VPS13D: variants seen among roughly 807,000 people sequenced by gnomAD.
The protein encoded by VPS13D is intermembrane lipid transfer protein VPS13D.
In VPS13D, 187 loss-of-function variants were observed where a neutral mutation model predicts 461.9. That is an observed-to-expected ratio of 0.40 (90% confidence interval 0.36 to 0.46). VPS13D has a LOEUF of 0.46. Among genes scored for constraint, VPS13D ranks in the 20% least tolerant of loss-of-function variants. The pLI is 0.60. For missense variants in VPS13D, 4,711 were observed against 5,364.9 expected, an observed-to-expected ratio of 0.88 and a Z score of 3.81; for synonymous variants, 1,951 against 1,986.3, an observed-to-expected ratio of 0.98 and a Z score of 0.47.
At chr1:12,438,375 C>T (rs1002384913) in intron 65 of VPS13D, among the ~76,000 whole-genome samples, 2 of 152,162 alleles carry the variant, frequency 1.3e-5, no homozygotes, top group African/African-American at 4.8e-5. Flanking sequence ...TTGAATCAGA[C>T]ACCGAATCTG....
At position 12,293,529 on chromosome 1, in the gene VPS13D, G is replaced by A; in HGVS notation, c.5858G>A (p.Gly1953Glu). 6.3e-7 allele frequency: 1 copy of A among 1,599,618 alleles called. No homozygotes were observed. The highest frequency in any genetic ancestry group is 8.5e-7 in the Non-Finnish European group (1 of 1,171,960). Reference sequence around the variant, plus strand: ...ACTTTTATCCTAATTTTTAGATACGGACGGCCTGACCCTCTGCTCCGGAGA... The same window carrying A: ...ACTTTTATCCTAATTTTTAGATACGAACGGCCTGACCCTCTGCTCCGGAGA... ...EALIFQTFKY[G>E]RPDPLLRREH... The change falls in exon 24 of 70, where the codon GGA becomes GAA. Residue 1953 changes from glycine to glutamate, a missense_variant. Transcript: ENST00000620676.
chr1:12,262,109 A>T, intron 13 of VPS13D, 29 bp downstream of exon 13: 1 of 1,586,308 alleles, frequency 6.3e-7, no homozygotes, highest in Non-Finnish European at 8.6e-7. Context: ...ACTACCTGCC[A>T]CTGTTGTCTC....
chr1:12,373,526 A>G (rs1362045987), intron 54 of VPS13D, among the ~76,000 whole-genome samples: 1 of 152,114 alleles, frequency 6.6e-6, no homozygotes, highest in Admixed American at 6.5e-5. Context: ...GAAAAATGTC[A>G]GAGTATGTCT....
chr1:12,438,302 C>T (rs149786941), intron 65 of VPS13D, among the ~76,000 whole-genome samples: 5 of 152,172 alleles, frequency 3.3e-5, no homozygotes, highest in African/African-American at 1.2e-4. Context: ...GCTAGCCCAC[C>T]CTTCTACCGT....
intron 67 of VPS13D, among the ~76,000 whole-genome samples, chr1:12,467,266 G>A (rs1027577565): frequency 6.6e-6 from 1 of 152,180 alleles, no homozygotes; most frequent in Non-Finnish European, 1.5e-5. Context: ...CCACCTCCCG[G>A]GTTCAAGCAG....
chr1:12,384,782 C>T (rs769910483), intron 58 of VPS13D, among the ~76,000 whole-genome samples: 3 of 152,116 alleles, frequency 2.0e-5, no homozygotes, highest in Non-Finnish European at 2.9e-5. Context: ...CCATGCTTAG[C>T]TAATTACTTT....
rs1644581890 is a variant in VPS13D, at chr1:12,401,600, A to ATC, written c.11785-4_11785-3dup. ...TCACACTTTAAATCAGAATTTCTTTATCTCTAGCATCTGATGATCACAGCT... is the reference window on the plus strand; with the variant it reads ...TCACACTTTAAATCAGAATTTCTTTATCTCTCTAGCATCTGATGATCACAGCT... On this transcript the variant is annotated splice_polypyrimidine_tract_variant and splice_region_variant and intron_variant, in intron 61 of 69. Transcript: ENST00000620676. 1 of 1,602,778 alleles carries ATC rather than the reference A, an allele frequency of 6.2e-7. No homozygotes were observed.
rs1282616985 is a variant in VPS13D at position 12,293,681 on chromosome 1, C to T, written c.6010C>T (p.Arg2004Ter). The T allele has an allele frequency of 1.2e-6, 2 of 1,613,712 alleles. No homozygotes were observed. The highest frequency in any genetic ancestry group is 3.3e-5 in the Admixed American group (2 of 59,978). ...GCTGCAGGATGTCTTAGGGCGCCAG[C>T]GAGCTGCTATTGAGGGGCAGACGGT... ...TQLQDVLGRQ[R>*]AAIEGQTVRD... Residue 2004 changes from arginine to a stop codon, truncating the protein, a stop_gained, in exon 24 of 70, where the codon CGA becomes TGA. Coordinates refer to ENST00000620676, the MANE Select transcript of VPS13D (RefSeq NM_015378.4). LOFTEE classifies it high-confidence loss of function.
Position 12,509,080 on chromosome 1 carries a change from G to C in VPS13D, c.*56G>C. The C allele has an allele frequency of 3.8e-6, 6 of 1,585,766 alleles. No homozygotes were observed. The highest frequency in any genetic ancestry group is 5.1e-6 in the Non-Finnish European group (6 of 1,166,548). ...ACAGCGCAGACCCACCAGGAGGAAAGAGGCCCAGCTCTCAGCTGACGATGG... is the reference window on the plus strand; with the variant it reads ...ACAGCGCAGACCCACCAGGAGGAAACAGGCCCAGCTCTCAGCTGACGATGG... On this transcript the variant is annotated 3_prime_UTR_variant, in exon 70 of 70. Coordinates refer to ENST00000620676, the MANE Select transcript of VPS13D (RefSeq NM_015378.4).
chr1:12,349,785 A>C (rs1643756579), intron 46 of VPS13D, among the ~76,000 whole-genome samples: 1 of 152,222 alleles, frequency 6.6e-6, no homozygotes, highest in Admixed American at 6.5e-5. Context: ...TATGTACCTC[A>C]TACTGACTTT....
rs758168133 is a variant in VPS13D, at chr1:12,276,430, G to C, written c.2842G>C (p.Val948Leu). The C allele has an allele frequency of 2.5e-6, 4 of 1,614,212 alleles. No individual in the cohort carries two copies. The highest frequency in any genetic ancestry group is 2.2e-5 in the South Asian group (2 of 91,080). The change falls in exon 19 of 70, where the codon GTT (valine) becomes CTT (leucine). Residue 948 changes from valine to leucine, a missense_variant. This residue lies in a region of VPS13D where 4,411 missense variants were observed against 4,937.8 expected (regional missense o/e 0.89). Coordinates refer to ENST00000620676, the MANE Select transcript of VPS13D (RefSeq NM_015378.4). The surrounding 1 kb of genome is among the most constrained non-coding windows in gnomAD (Gnocchi z 4.5). The part of the protein sequence containing the change: ...IVLLEQHTRE[V>L]LVESQLLLAE... Reference sequence around the variant, plus strand: ...GTTGTTGGAGCAGCATACCCGCGAGGTTCTGGTGGAGTCGCAGCTCCTCCT... The same window carrying C: ...GTTGTTGGAGCAGCATACCCGCGAGCTTCTGGTGGAGTCGCAGCTCCTCCT...
chr1:12,387,181 C>T (rs1288941526), intron 60 of VPS13D, among the ~76,000 whole-genome samples: 1 of 152,130 alleles, frequency 6.6e-6, no homozygotes, highest in African/African-American at 2.4e-5. Context: ...ATTTATGAGA[C>T]GTTGGGAAGA....
intron 35 of VPS13D, among the ~76,000 whole-genome samples, chr1:12,326,411 C>A (rs1643189928): frequency 6.8e-6 from 1 of 146,824 alleles, no homozygotes; most frequent in Admixed American, 6.9e-5. Context: ...GATCATGGCT[C>A]ACTCTAGCCT....
At chr1:12,436,919 C>G (rs1045594531) in intron 65 of VPS13D, among the ~76,000 whole-genome samples, 4 of 152,196 alleles carry the variant, frequency 2.6e-5, no homozygotes, top group African/African-American at 9.6e-5. Context: ...CCACCCACCT[C>G]AGCCTCCCAA....
intron 65 of VPS13D, among the ~76,000 whole-genome samples, chr1:12,440,354 T>C (rs567226670): frequency 2.0e-5 from 3 of 152,244 alleles, no homozygotes; most frequent in Admixed American, 6.5e-5. Flanking sequence ...TTAAAAGATA[T>C]GGCTGTAGAG....
At chr1:12,500,158 G>A (rs1031542345) in intron 68 of VPS13D, 8 of 984,770 alleles carry the variant, frequency 8.1e-6, no homozygotes, top group African/African-American at 1.7e-5. Flanking sequence ...CTCCCAGATC[G>A]AGTTGCATTT....
chr1:12,497,430 TAGTG>T (rs1300846305), intron 67 of VPS13D, 66 bp from the exon 68 acceptor site: 11 of 1,541,220 alleles, frequency 7.1e-6, no homozygotes, highest in South Asian at 6.2e-5. Context: ...GCTTTTGTCT[TAGTG>T]AGAAAGGAAA....
chr1:12,346,481 G>A, intron 43 of VPS13D, 124 bp from the exon 44 acceptor site: 1 of 876,626 alleles, frequency 1.1e-6, no homozygotes, highest in Non-Finnish European at 1.8e-6. Context: ...CTTCATAGTA[G>A]ACTATACTTT....
intron 52 of VPS13D, among the ~76,000 whole-genome samples, chr1:12,365,573 G>A (rs1644023244): frequency 1.3e-5 from 2 of 152,028 alleles, no homozygotes; most frequent in African/African-American, 2.4e-5. Context: ...GCATGGTGGT[G>A]TGCACCTGTA....
Sources: allele counts gnomAD v4.1 joint callset (sites outside exome capture counted in the v4.1 genomes callset), GRCh38; gene constraint gnomAD v4.1.1; regional missense constraint gnomAD v4.1.1; non-coding constraint Gnocchi (gnomAD v3.1); transcripts MANE v1.5; gene names NCBI Gene and HGNC (gene_info 2026-07-23, HGNC 2026-07-21).